Variants in KLHDC4 observed in about 807,000 individuals in gnomAD.
KLHDC4 encodes kelch domain-containing protein 4.
A neutral mutation model predicts 62.4 loss-of-function variants in KLHDC4; 90 were observed. The observed-to-expected ratio is 1.44, with a 90% CI of 1.22 to 1.72. KLHDC4 has a LOEUF of 1.72. KLHDC4 is among the 40% of genes most tolerant of loss of function. KLHDC4 has a pLI of 0.00. For missense variants in KLHDC4, 1,025 were observed against 699.7 expected, an observed-to-expected ratio of 1.47 and a Z score of -5.25; for synonymous variants, 386 against 284.4, an observed-to-expected ratio of 1.36 and a Z score of -3.59.
exon 1 of KLHDC4, chr16:87,701,428 G>A (rs7193593): frequency 0.2 from 66,732 of 340,282 alleles, 6,862 homozygotes; most frequent in South Asian, 0.21. Flanking sequence ...GTTTCTTCAT[G>A]AAACCCAAAG....
chr16:87,713,361 C>T (rs1307527708), intron 8 of KLHDC4, among the ~76,000 whole-genome samples: 1 of 151,880 alleles, frequency 6.6e-6, no homozygotes, highest in Non-Finnish European at 1.5e-5. Context: ...GCCAGCACAC[C>T]TGGCTACGTT....
exon 1 of KLHDC4, chr16:87,700,501 G>A (rs2034084418): frequency 1.7e-5 from 3 of 171,640 alleles, no homozygotes; most frequent in Non-Finnish European, 3.8e-5. Context: ...AGGGCAGAGG[G>A]TGGAGGGAGG....
chr16:87,727,026 G>T, intron 6 of KLHDC4, 102 bp from the exon 7 acceptor site: 1 of 1,291,132 alleles, frequency 7.7e-7, no homozygotes, highest in Non-Finnish European at 1.1e-6. Context: ...CCTACTGTTT[G>T]GGGAAAAACT....
chr16:87,705,139 C>G (rs1472664746), downstream of KLHDC4, among the ~76,000 whole-genome samples: 3 of 152,260 alleles, frequency 2.0e-5, no homozygotes, highest in Non-Finnish European at 4.4e-5. Flanking sequence ...CAGCGAGGAA[C>G]TGGGCAAGAA....
chr16:87,763,570 G>C (rs922134296), intron 1 of KLHDC4: 3 of 152,148 alleles, frequency 2.0e-5, no homozygotes, highest in Admixed American at 6.5e-5. Flanking sequence ...ATGCCACTGC[G>C]ACACTTGCTC....
intron 2 of KLHDC4, among the ~76,000 whole-genome samples, chr16:87,761,456 C>T (rs777369591): frequency 6.6e-6 from 1 of 152,216 alleles, no homozygotes; most frequent in Non-Finnish European, 1.5e-5. Context: ...CAGCTCATCC[C>T]ACACGTGTAT....
intron 7 of KLHDC4, among the ~76,000 whole-genome samples, chr16:87,720,430 T>C (rs1450235544): frequency 1.3e-5 from 2 of 152,054 alleles, no homozygotes; most frequent in East Asian, 1.9e-4. Flanking sequence ...TAAACCACCT[T>C]TGCCAGACGC....
chr16:87,705,252 A>G (rs12445306), downstream of KLHDC4, among the ~76,000 whole-genome samples: 15,335 of 152,304 alleles, frequency 0.1, 920 homozygotes, highest in Admixed American at 0.19. Flanking sequence ...TACGGTGGCT[A>G]TCTGGCCACC....
intron 6 of KLHDC4, among the ~76,000 whole-genome samples, chr16:87,728,864 T>C (rs2039844670): frequency 6.6e-6 from 1 of 152,042 alleles, no homozygotes; most frequent in Non-Finnish European, 1.5e-5. Flanking sequence ...AACATCCGCC[T>C]CCCCAGTTCA....
intron 7 of KLHDC4, among the ~76,000 whole-genome samples, chr16:87,722,368 G>A (rs78902622): frequency 0.02 from 2,997 of 152,312 alleles, 100 homozygotes; most frequent in African/African-American, 0.068. Context: ...GGAGGAAGGA[G>A]GGCAGGTGTC....
chr16:87,717,753 G>A (rs1395373331), intron 7 of KLHDC4, among the ~76,000 whole-genome samples: 2,150 of 152,244 alleles, frequency 0.014, 51 homozygotes, highest in African/African-American at 0.048. Context: ...GACAAGGAAG[G>A]AATTCAGTGA....
rs190670889 is a variant in KLHDC4 at position 87,745,326 on chromosome 16, C to T, written c.506+3347G>A. Among the ~76,000 whole-genome samples the T allele has an allele frequency of 2.7e-3, 408 of 152,286 alleles. 2 individuals are homozygous for T. The highest frequency in any genetic ancestry group is 9.5e-3 in the African/African-American group (393 of 41,570). On this transcript the variant is annotated intron_variant, in intron 5 of 11. Coordinates refer to ENST00000270583, the MANE Select transcript of KLHDC4 (RefSeq NM_017566.4). ...GCCACCTCTTGGTGCCTCTGCCCAG[C>T]CCATACTACCCAGCACTGCTCTCGC...
At chr16:87,753,467 C>G (rs2044342915) in intron 4 of KLHDC4, among the ~76,000 whole-genome samples, 1 of 152,162 alleles carries the variant, frequency 6.6e-6, no homozygotes. Flanking sequence ...ACTGAATCAC[C>G]TCAGGACAAA....
At chr16:87,761,806 A>G in intron 2 of KLHDC4, 143 bp downstream of exon 2, 2 of 812,494 alleles carry the variant, frequency 2.5e-6, no homozygotes, top group Non-Finnish European at 4.0e-6. Flanking sequence ...CCAGTTCTTC[A>G]GCAGAAAGTG....
chr16:87,726,935 G>T lies in KLHDC4; in HGVS notation c.600-11C>A. 3 of 1,613,460 alleles carry T rather than the reference G, an allele frequency of 1.9e-6. No homozygotes were observed. The highest frequency in any genetic ancestry group is 2.5e-6 in the Non-Finnish European group (3 of 1,179,608). ...TAGTAGATGTAATCCCTGGTTAGAA[G>T]AACAGCAGCTGTCAGGGTCCGTAAC... On this transcript the variant is annotated splice_polypyrimidine_tract_variant and intron_variant, in intron 6 of 11. Coordinates refer to ENST00000270583, the MANE Select transcript of KLHDC4 (RefSeq NM_017566.4).
chr16:87,713,631 G>C (rs1192597006), intron 8 of KLHDC4, among the ~76,000 whole-genome samples: 1 of 152,204 alleles, frequency 6.6e-6, no homozygotes, highest in African/African-American at 2.4e-5. Context: ...CTGACGGGCA[G>C]CCACTGGCAG....
intron 4 of KLHDC4, among the ~76,000 whole-genome samples, chr16:87,752,440 G>A (rs183523024): frequency 4.6e-5 from 7 of 151,204 alleles, no homozygotes; most frequent in Non-Finnish European, 7.4e-5. Context: ...TGGTTCAAGC[G>A]ATTCTCCTGC....
At chr16:87,741,323 T>C (rs1025096449) in intron 5 of KLHDC4, among the ~76,000 whole-genome samples, 1 of 152,164 alleles carries the variant, frequency 6.6e-6, no homozygotes, top group Non-Finnish European at 1.5e-5. Flanking sequence ...TGGAGGTCCA[T>C]GGCCTGTTAG....
intron 4 of KLHDC4, 73 bp from the exon 5 acceptor site, chr16:87,748,882 T>G: frequency 3.5e-4 from 550 of 1,574,778 alleles, no homozygotes; most frequent in Non-Finnish European, 4.2e-4. Flanking sequence ...TGACCGGTAG[T>G]GGTGAGCGCT....
Sources: allele counts gnomAD v4.1 joint callset (sites outside exome capture counted in the v4.1 genomes callset), GRCh38; gene constraint gnomAD v4.1.1; transcripts MANE v1.5; gene names NCBI Gene and HGNC (gene_info 2026-07-23, HGNC 2026-07-21).